The following RMND5A variants were observed in gnomAD, a reference collection of about 807,000 sequenced individuals.
RMND5A encodes E3 ubiquitin-protein transferase RMND5A.
RMND5A carries 17 observed loss-of-function variants against 49.7 expected under a neutral mutation model. The observed-to-expected ratio is 0.34, with a 90% CI of 0.23 to 0.51. The LOEUF (loss-of-function observed/expected upper bound fraction) is 0.51. Among genes scored for constraint, RMND5A ranks in the 20% least tolerant of loss-of-function variants. The pLI is 0.96. For missense variants in RMND5A, 255 were observed against 471.3 expected (o/e 0.54, Z 4.25); for synonymous variants, 156 against 167.7 (o/e 0.93, Z 0.54).
chr2:86,756,755 G>A (rs2104400830), intron 4 of RMND5A, among the ~76,000 whole-genome samples: 1 of 152,296 alleles, frequency 6.6e-6, no homozygotes, highest in South Asian at 2.1e-4. Flanking sequence ...TGCCAGTTAT[G>A]CAGCATCCCA....
intron 2 of RMND5A, among the ~76,000 whole-genome samples, chr2:86,747,470 C>T (rs1681557587): frequency 6.6e-6 from 1 of 152,198 alleles, no homozygotes; most frequent in Non-Finnish European, 1.5e-5. Context: ...TCCAGGTCTT[C>T]TTACTCTGTT....
At chr2:86,747,606 A>C (rs1681559746) in intron 2 of RMND5A, among the ~76,000 whole-genome samples, 1 of 152,236 alleles carries the variant, frequency 6.6e-6, no homozygotes, top group Non-Finnish European at 1.5e-5. Flanking sequence ...TTTTCTTCAA[A>C]GTAGATGGAG....
chr2:86,749,379 A>T (rs959239899), intron 2 of RMND5A, among the ~76,000 whole-genome samples: 6 of 151,018 alleles, frequency 4.0e-5, no homozygotes, highest in Non-Finnish European at 8.9e-5. Flanking sequence ...GGTACTTTGT[A>T]TTATTTCTTT....
In RMND5A at chr2:86,720,420, G is replaced by T. The variant is rs1306170599; in HGVS notation, c.-248G>T. On this transcript the variant is annotated 5_prime_UTR_variant, in exon 1 of 9. Coordinates refer to ENST00000283632, the MANE Select transcript of RMND5A (RefSeq NM_022780.4). Reference sequence around the variant, plus strand: ...GTCGCGAGCGGGGCCTGGGGACGCGGAGCCGAGTGCAGCGAGCGAACGGGA... The same window carrying T: ...GTCGCGAGCGGGGCCTGGGGACGCGTAGCCGAGTGCAGCGAGCGAACGGGA... 3.9e-5 allele frequency: 7 copies of T among 180,162 alleles called. No homozygotes were observed. Among genetic ancestry groups the T allele is most frequent in the Middle Eastern group, 2.2e-3 (1 of 448 alleles). The allele number at this position is 180,162 out of a possible 1,614,324, so 11.2% of individuals were successfully genotyped here. A position where few individuals can be genotyped will look rare whatever the true frequency, so the allele number is the denominator to read the frequency against.
In RMND5A at chr2:86,777,920, GATATA is replaced by G. The variant is rs1163428465; in HGVS notation, c.*4513_*4517del. 5 of 152,274 alleles carry G rather than the reference GATATA, an allele frequency of 3.3e-5. No individual in the cohort carries two copies. Among genetic ancestry groups the G allele is most frequent in the South Asian group, 2.1e-4 (1 of 4,830 alleles). 9.4% of individuals were successfully genotyped at this position (152,274 alleles called of 1,614,324 possible). On this transcript the variant is annotated 3_prime_UTR_variant, in exon 9 of 9. Coordinates refer to ENST00000283632, the MANE Select transcript of RMND5A (RefSeq NM_022780.4). ...ATATTTAATTTATAAATTTCGGACT[GATATA>G]ATAGAGTTTTGGAAAACTATAAGAA... is the stretch of plus-strand genomic sequence containing the variant.
chr2:86,764,320 G>GCTGGCTA (rs1255131590), intron 4 of RMND5A, among the ~76,000 whole-genome samples: 1 of 152,124 alleles, frequency 6.6e-6, no homozygotes, highest in Non-Finnish European at 1.5e-5. Flanking sequence ...GATTTTAACA[G>GCTGGCTA]CTGGCTATAT....
At position 86,775,247 on chromosome 2, in the gene RMND5A, T is replaced by C. The variant is rs1672746666; in HGVS notation, c.*1836T>C. On this transcript the variant is annotated 3_prime_UTR_variant, in exon 9 of 9. Coordinates refer to ENST00000283632, the MANE Select transcript of RMND5A (RefSeq NM_022780.4). The stretch of plus-strand genomic sequence containing the variant: ...AGGTAGAGAATTCCAGGCAACAGTC[T>C]GACCAAGGGTGTAAACCAGTTTATT... The C allele has an allele frequency of 6.6e-6, 1 of 151,934 alleles. No individual in the cohort carries two copies. The highest frequency in any genetic ancestry group is 2.1e-4 in the South Asian group (1 of 4,816). 9.4% of individuals were successfully genotyped at this position (151,934 alleles called of 1,614,324 possible).
intron 6 of RMND5A, among the ~76,000 whole-genome samples, chr2:86,766,848 T>A (rs1195817158): frequency 6.6e-6 from 1 of 152,092 alleles, no homozygotes; most frequent in Non-Finnish European, 1.5e-5. Context: ...TAAAAAAGGA[T>A]GTTCTTGGTG....
At chr2:86,765,320 G>A in intron 5 of RMND5A, 127 bp downstream of exon 5, 1 of 831,632 alleles carries the variant, frequency 1.2e-6, no homozygotes, top group Non-Finnish European at 1.8e-6. Context: ...ATCACTTACA[G>A]GAAAAGTTCT....
In RMND5A at chr2:86,742,894, G is replaced by C. The variant is rs534171752; in HGVS notation, c.285+1825G>C. On this transcript the variant is annotated intron_variant, in intron 2 of 8. Transcript: ENST00000283632. ...GCCAATCAGAGATTCTTGGAATAAG[G>C]GGGGATGGGCTCAGCAACTATAATT... is the stretch of plus-strand genomic sequence containing the variant. 8.7e-4 allele frequency among the ~76,000 whole-genome samples: 132 copies of C among 151,768 alleles called. 1 individual carries two copies. The highest frequency in any genetic ancestry group is 2.7e-3 in the Admixed American group (41 of 15,256).
rs768534183 is a variant in RMND5A, at chr2:86,753,543, T to C, written c.506T>C (p.Leu169Pro). ...TTAGAGGCATTAAAGGTCAGAGTTC[T>C]GAGACCTGCTCTGGAGTGAGTATTG... ...RILEALKVRV[L>P]RPALEWAVSN... The change falls in exon 4 of 9, where the codon CTG becomes CCG. Residue 169 changes from leucine (L) to proline (P), a missense_variant. This residue lies in a region of RMND5A where 208 missense variants were observed against 339.8 expected (regional missense o/e 0.61). Coordinates refer to ENST00000283632, the MANE Select transcript of RMND5A (RefSeq NM_022780.4). 6.3e-7 allele frequency: 1 copy of C among 1,593,858 alleles called. No individual in the cohort carries two copies. Among genetic ancestry groups the C allele is most frequent in the Non-Finnish European group, 8.6e-7 (1 of 1,162,126 alleles).
chr2:86,748,292 T>G (rs1289002547), intron 2 of RMND5A: 1 of 152,188 alleles, frequency 6.6e-6, no homozygotes, highest in Non-Finnish European at 1.5e-5. Flanking sequence ...TTTATAATCT[T>G]AGCTTTAATT....
intron 6 of RMND5A, among the ~76,000 whole-genome samples, chr2:86,768,181 C>T (rs928337027): frequency 3.9e-5 from 6 of 152,160 alleles, no homozygotes; most frequent in Non-Finnish European, 1.5e-5. Flanking sequence ...AAAAGAAAAG[C>T]TCTTTGAGAT....
intron 6 of RMND5A, 140 bp downstream of exon 6, chr2:86,766,164 C>A: frequency 1.3e-6 from 1 of 755,598 alleles, no homozygotes; most frequent in Non-Finnish European, 2.1e-6. Context: ...CAAAAGATAT[C>A]ACAATTGGCA....
chr2:86,759,325 G>C (rs970163518), intron 4 of RMND5A, among the ~76,000 whole-genome samples: 1 of 152,150 alleles, frequency 6.6e-6, no homozygotes, highest in Admixed American at 6.5e-5. Flanking sequence ...GTTTCTGCTG[G>C]GTAATTGTAT....
intron 4 of RMND5A, among the ~76,000 whole-genome samples, chr2:86,755,423 A>G (rs886787784): frequency 6.6e-6 from 1 of 152,246 alleles, no homozygotes; most frequent in Non-Finnish European, 1.5e-5. Flanking sequence ...TGCCCGAGAA[A>G]GCCTACATAC....
rs1197615774 is a variant in RMND5A at position 86,777,626 on chromosome 2, G to GT, written c.*4216dup. 5 of 152,104 alleles carry GT rather than the reference G, an allele frequency of 3.3e-5. No individual in the cohort carries two copies. Among genetic ancestry groups the GT allele is most frequent in the African/African-American group, 1.2e-4 (5 of 41,428 alleles). 9.4% of individuals were successfully genotyped at this position (152,104 alleles called of 1,614,324 possible). A position where few individuals can be genotyped will look rare whatever the true frequency, so the allele number is the denominator to read the frequency against. On this transcript the variant is annotated 3_prime_UTR_variant, in exon 9 of 9. Transcript: ENST00000283632. ...TTACCCCGTGCTCTTGGGTTCTATA[G>GT]TATTTCTATAATTATGTAACGAGAA...
intron 8 of RMND5A, 40 bp from the exon 9 acceptor site, chr2:86,773,308 A>G (rs756507227): frequency 2.5e-6 from 3 of 1,216,614 alleles, no homozygotes; most frequent in Non-Finnish European, 3.7e-6. Context: ...CACAGTACTG[A>G]GCCTGCTCCT....
At chr2:86,728,963 C>T (rs1439288073) in intron 1 of RMND5A, among the ~76,000 whole-genome samples, 1 of 152,014 alleles carries the variant, frequency 6.6e-6, no homozygotes, top group East Asian at 1.9e-4. Flanking sequence ...ACCATGTTGG[C>T]CAGGATGGTC....
Sources: allele counts gnomAD v4.1 joint callset (sites outside exome capture counted in the v4.1 genomes callset), GRCh38; gene constraint gnomAD v4.1.1; regional missense constraint gnomAD v4.1.1; transcripts MANE v1.5; gene names NCBI Gene and HGNC (gene_info 2026-07-23, HGNC 2026-07-21).